The following CAMKK2 variants were observed in gnomAD, a reference collection of about 807,000 sequenced individuals.
CAMKK2 encodes the protein calcium/calmodulin-dependent protein kinase kinase 2.
Under a neutral mutation model 67.2 loss-of-function variants are expected in CAMKK2, and 30 were observed. That is an observed-to-expected ratio of 0.45 (90% confidence interval 0.33 to 0.61). The LOEUF is 0.61. CAMKK2 is among the 20% of genes least tolerant of loss of function. The probability of loss-of-function intolerance (pLI) is 0.02; values close to 1 mark genes in which losing one functional copy is unlikely to be tolerated. For synonymous variants in CAMKK2, 322 were observed against 326.2 expected (o/e 0.99, Z 0.14); for missense variants, 643 against 802.0 (o/e 0.80, Z 2.39).
In CAMKK2 at chr12:121,270,362, CCTGT is replaced by C. The variant is rs1895510636; in HGVS notation, c.519+532_519+535del. ...TCCAGCCTTGGTGATAGAGCAACAC[CCTGT>C]CTAAAAAAAAAAAAAAAAATCAAGA... On this transcript the variant is annotated intron_variant, in intron 3 of 16. Transcript: ENST00000404169. 2.0e-5 allele frequency among the ~76,000 whole-genome samples: 3 copies of C among 147,004 alleles called. No individual in the cohort carries two copies. In the South Asian group the frequency reaches 6.3e-4, roughly 31 times the overall value.
intron 1 of CAMKK2, among the ~76,000 whole-genome samples, chr12:121,291,599 G>T (rs1166574959): frequency 6.6e-6 from 1 of 152,170 alleles, no homozygotes; most frequent in Non-Finnish European, 1.5e-5. Flanking sequence ...AAGTAGGCTG[G>T]TGGTTGCCAG....
chr12:121,275,665 T>C (rs1896660114), intron 1 of CAMKK2, among the ~76,000 whole-genome samples: 1 of 152,044 alleles, frequency 6.6e-6, no homozygotes, highest in Admixed American at 6.6e-5. Flanking sequence ...AGTAGACTAA[T>C]GGTTGCCTAG....
At chr12:121,276,816 G>A (rs1896896941) in intron 1 of CAMKK2, among the ~76,000 whole-genome samples, 1 of 149,684 alleles carries the variant, frequency 6.7e-6, no homozygotes, top group African/African-American at 2.5e-5. Context: ...AACCTGGGAG[G>A]CGGAGGTTGC....
Position 121,288,407 on chromosome 12 carries a change from G to C in CAMKK2, c.-60+8231C>G, listed in dbSNP as rs1184754289. 2.0e-5 allele frequency among the ~76,000 whole-genome samples: 3 copies of C among 152,260 alleles called. No homozygotes were observed. The East Asian group carries it at 5.8e-4, about 29-fold the overall frequency. On this transcript the variant is annotated intron_variant, in intron 1 of 16. Transcript: ENST00000404169. Reference sequence around the variant, plus strand: ...AGCTGAGGGACAAGAAGAGTGCAGGGAGCCAGCTCTGCAGCTCTGCGGGGC... The same window carrying C: ...AGCTGAGGGACAAGAAGAGTGCAGGCAGCCAGCTCTGCAGCTCTGCGGGGC...
In CAMKK2 at chr12:121,249,866, A is replaced by G. The variant is rs746592299; in HGVS notation, c.1244T>C (p.Ile415Thr). 2.5e-6 allele frequency: 4 copies of G among 1,614,108 alleles called. No homozygotes were observed. The Admixed American group carries it at 5.0e-5, about 20-fold the overall frequency. The change falls in exon 13 of 17, where the codon ATA (isoleucine) becomes ACA (threonine). Residue 415 changes from isoleucine (I) to threonine (T), a missense_variant. Around this residue, in one of 3 missense-constraint regions of CAMKK2, gnomAD observed 483 missense variants for 625.8 expected, o/e 0.77. Coordinates refer to ENST00000404169, the MANE Select transcript of CAMKK2 (RefSeq NM_001270485.2). ...QALEFPDQPD[I>T]AEDLKDLITR... ...GATCAGGTCCTTCAAGTCCTCAGCT[A>G]TGTCGGGCCTGGGGATGGAGAGGCG... is the stretch of plus-strand genomic sequence containing the variant.
rs1898663017 is a variant in CAMKK2 at position 121,285,960 on chromosome 12, C to T, written c.-60+10678G>A. ...AAGCTACCAGGGGCTGGAGAGAACC[C>T]TGCCTCAGAATGAAGTCTAAGAAGA... On this transcript the variant is annotated intron_variant, in intron 1 of 16. Transcript: ENST00000404169. The surrounding 1 kb of genome is among the most constrained non-coding windows in gnomAD (Gnocchi z 4.1). Among the ~76,000 whole-genome samples the T allele has an allele frequency of 6.6e-6, 1 of 152,146 alleles. No individual in the cohort carries two copies. Among genetic ancestry groups the T allele is most frequent in the Admixed American group, 6.5e-5 (1 of 15,276 alleles).
chr12:121,280,541 C>T (rs890090623), intron 1 of CAMKK2, among the ~76,000 whole-genome samples: 1 of 152,152 alleles, frequency 6.6e-6, no homozygotes, highest in African/African-American at 2.4e-5. Context: ...GTGAGCCGGG[C>T]AGAACAGAGC....
intron 5 of CAMKK2, among the ~76,000 whole-genome samples, chr12:121,264,706 G>A (rs1329075316): frequency 4.6e-5 from 7 of 151,858 alleles, no homozygotes; most frequent in African/African-American, 1.7e-4. Context: ...CCTGGGAGGC[G>A]GAGCTTGCAG....
chr12:121,267,863 C>A (rs1894933761), intron 5 of CAMKK2, among the ~76,000 whole-genome samples: 1 of 151,918 alleles, frequency 6.6e-6, no homozygotes, highest in Non-Finnish European at 1.5e-5. Flanking sequence ...GCATTCACCC[C>A]TCATTTCCCC....
chr12:121,245,783 CT>C lies in CAMKK2; in HGVS notation c.1453-544del, dbSNP rs955457778. On this transcript the variant is annotated intron_variant, in intron 14 of 16. Coordinates refer to ENST00000404169, the MANE Select transcript of CAMKK2 (RefSeq NM_001270485.2). The surrounding 1 kb of genome is among the most constrained non-coding windows in gnomAD (Gnocchi z 5.8). ...TTTTGGGAATTCACAGAGCTTCTGACTTTTTAAGCATTTGCTGCTAACAAGA... is the reference window on the plus strand; with the variant it reads ...TTTTGGGAATTCACAGAGCTTCTGACTTTTAAGCATTTGCTGCTAACAAGA... Among the ~76,000 whole-genome samples the C allele has an allele frequency of 2.0e-4, 31 of 152,226 alleles. No individual in the cohort carries two copies. Among genetic ancestry groups the C allele is most frequent in the Non-Finnish European group, 7.3e-5 (5 of 68,036 alleles).
intron 1 of CAMKK2, among the ~76,000 whole-genome samples, chr12:121,292,058 AAAAT>A (rs1211431106): frequency 1.3e-5 from 2 of 152,112 alleles, no homozygotes; most frequent in East Asian, 1.9e-4. Flanking sequence ...CTGTCTCAAA[AAAAT>A]AAATAAATAA....
At chr12:121,265,490 C>A (rs111776440) in intron 5 of CAMKK2, among the ~76,000 whole-genome samples, 279 of 152,166 alleles carry the variant, frequency 1.8e-3, no homozygotes, top group Non-Finnish European at 2.9e-3. Context: ...TAATCCCCAA[C>A]GTGATGGTAT....
At chr12:121,273,917 G>T in intron 2 of CAMKK2, 139 bp downstream of exon 2, 1 of 655,432 alleles carries the variant, frequency 1.5e-6, no homozygotes. Context: ...CCGCCCCCAA[G>T]GTTCCCTGGA....
intron 1 of CAMKK2, among the ~76,000 whole-genome samples, chr12:121,284,466 C>A (rs1273685039): frequency 6.6e-6 from 1 of 152,020 alleles, no homozygotes; most frequent in Admixed American, 6.6e-5. Flanking sequence ...CTGGGGATTA[C>A]AGGCACGCCA....
intron 1 of CAMKK2, among the ~76,000 whole-genome samples, chr12:121,291,832 C>A (rs943084211): frequency 6.6e-6 from 1 of 151,872 alleles, no homozygotes; most frequent in Non-Finnish European, 1.5e-5. Context: ...CCGAGGCGGG[C>A]AGATCATGAG....
At chr12:121,288,852 C>A (rs1428379208) in intron 1 of CAMKK2, among the ~76,000 whole-genome samples, 1 of 141,228 alleles carries the variant, frequency 7.1e-6, no homozygotes, top group Non-Finnish European at 1.6e-5. Context: ...AAAGAGGCAA[C>A]ATAAAAATAG....
chr12:121,245,113 C>T lies in CAMKK2; in HGVS notation c.1553+27G>A, dbSNP rs200387555. 2.7e-6 allele frequency: 4 copies of T among 1,502,424 alleles called. No homozygotes were observed. In the Admixed American group the frequency reaches 7.5e-5, roughly 28 times the overall value. 93.1% of individuals were successfully genotyped at this position (1,502,424 alleles called of 1,614,324 possible). On this transcript the variant is annotated intron_variant, in intron 15 of 16. Coordinates refer to ENST00000404169, the MANE Select transcript of CAMKK2 (RefSeq NM_001270485.2). This position sits in a 1 kb window ranked among gnomAD's most constrained non-coding sequence, Gnocchi z 5.8. The stretch of plus-strand genomic sequence containing the variant: ...GCCTAGCCTCCAGCCACCACTCCCC[C>T]ACCCAAGAAGGCAGGCGGCCACTCA...
intron 5 of CAMKK2, among the ~76,000 whole-genome samples, chr12:121,265,494 A>T (rs896317616): frequency 6.6e-6 from 1 of 152,140 alleles, no homozygotes; most frequent in Non-Finnish European, 1.5e-5. Flanking sequence ...CCCCAACGTG[A>T]TGGTATTAGG....
chr12:121,255,691 C>G (rs939792131), intron 8 of CAMKK2, 53 bp from the exon 9 acceptor site: 2 of 1,607,522 alleles, frequency 1.2e-6, no homozygotes, highest in Admixed American at 3.3e-5. Context: ...AGCCCTTGCC[C>G]TCTCTCATGA....
Sources: allele counts gnomAD v4.1 joint callset (sites outside exome capture counted in the v4.1 genomes callset), GRCh38; gene constraint gnomAD v4.1.1; regional missense constraint gnomAD v4.1.1; non-coding constraint Gnocchi (gnomAD v3.1); transcripts MANE v1.5; gene names NCBI Gene and HGNC (gene_info 2026-07-23, HGNC 2026-07-21).